Variants in NCALD observed in about 807,000 individuals in gnomAD.
NCALD encodes neurocalcin-delta.
In NCALD, 10 loss-of-function variants were observed where a neutral mutation model predicts 18.6. The observed-to-expected ratio is 0.54, with a 90% CI of 0.33 to 0.91. NCALD has a LOEUF of 0.91. Among genes scored for constraint, NCALD ranks in the 40% least tolerant of loss-of-function variants. The pLI is 0.03. For synonymous variants in NCALD, 88 were observed against 87.4 expected (o/e 1.01, Z -0.04); for missense variants, 184 against 247.6 (o/e 0.74, Z 1.72).
intron 3 of NCALD, among the ~76,000 whole-genome samples, chr8:101,897,085 T>C (rs2131546020): frequency 1.6e-5 from 1 of 64,436 alleles, no homozygotes; most frequent in East Asian, 3.9e-4. Context: ...ATTGCGGCAT[T>C]ATTCACAATA....
chr8:102,037,700 T>C (rs1822919526), intron 1 of NCALD, among the ~76,000 whole-genome samples: 1 of 152,162 alleles, frequency 6.6e-6, no homozygotes, highest in Non-Finnish European at 1.5e-5. Context: ...CAAATGCTCT[T>C]GGTACCAATT....
chr8:101,889,418 CT>C (rs1816791723), intron 3 of NCALD, among the ~76,000 whole-genome samples: 1 of 152,202 alleles, frequency 6.6e-6, no homozygotes, highest in East Asian at 1.9e-4. Flanking sequence ...AAACACAAGC[CT>C]TTCGACTCCC....
chr8:101,793,591 A>G (rs187198151), upstream of NCALD, among the ~76,000 whole-genome samples: 22 of 152,306 alleles, frequency 1.4e-4, no homozygotes, highest in Admixed American at 5.9e-4. Context: ...TCAGATTCCT[A>G]CCAATTTGGT....
chr8:101,992,091 T>C (rs1270055439), intron 2 of NCALD, among the ~76,000 whole-genome samples: 1 of 152,230 alleles, frequency 6.6e-6, no homozygotes, highest in Non-Finnish European at 1.5e-5. Flanking sequence ...GCCTGCATTA[T>C]GAAAGTCGCA....
chr8:101,755,237 C>T (rs539895619), intron 1 of NCALD, among the ~76,000 whole-genome samples: 6 of 152,322 alleles, frequency 3.9e-5, no homozygotes, highest in Non-Finnish European at 8.8e-5. Flanking sequence ...ACAAATGACT[C>T]TAACTCCTGG....
At chr8:101,855,619 T>C (rs558635005) in intron 4 of NCALD, among the ~76,000 whole-genome samples, 8 of 152,248 alleles carry the variant, frequency 5.3e-5, no homozygotes, top group African/African-American at 1.9e-4. Flanking sequence ...GAGGGGATGA[T>C]AATAAGAATT....
chr8:101,740,885 C>T (rs1810156754), intron 1 of NCALD, among the ~76,000 whole-genome samples: 2 of 152,130 alleles, frequency 1.3e-5, no homozygotes, highest in South Asian at 4.1e-4. Flanking sequence ...TAAGATTTTT[C>T]CTGCTCATTC....
chr8:101,736,885 TG>T (rs1809943241), intron 1 of NCALD, among the ~76,000 whole-genome samples: 1 of 152,198 alleles, frequency 6.6e-6, no homozygotes, highest in Admixed American at 6.5e-5. Context: ...CAGAACAAAT[TG>T]GATGCCACTG....
At chr8:102,059,213 G>C (rs917146441) in intron 1 of NCALD, among the ~76,000 whole-genome samples, 3 of 152,084 alleles carry the variant, frequency 2.0e-5, no homozygotes, top group African/African-American at 7.2e-5. Context: ...ATTCCTTTCT[G>C]CTCCTCAGAT....
chr8:101,893,869 C>G (rs1300611333), intron 3 of NCALD, among the ~76,000 whole-genome samples: 10 of 145,410 alleles, frequency 6.9e-5, no homozygotes, highest in Admixed American at 1.3e-4. Context: ...TAAAGCAAGT[C>G]CTGAGTGACC....
At chr8:102,072,347 G>A (rs113820708) in intron 1 of NCALD, among the ~76,000 whole-genome samples, 11 of 152,242 alleles carry the variant, frequency 7.2e-5, no homozygotes, top group African/African-American at 2.4e-4. Context: ...CATTTAAAAC[G>A]ACCCTTAAAA....
chr8:102,104,028 C>T (rs1013167262), intron 1 of NCALD, among the ~76,000 whole-genome samples: 4 of 152,276 alleles, frequency 2.6e-5, no homozygotes, highest in Middle Eastern at 3.4e-3. Flanking sequence ...CACACGCATA[C>T]GCATACAAAC....
At chr8:101,936,496 G>C (rs1158736375) in intron 2 of NCALD, among the ~76,000 whole-genome samples, 1 of 152,160 alleles carries the variant, frequency 6.6e-6, no homozygotes, top group Non-Finnish European at 1.5e-5. Context: ...GAGTTATTTA[G>C]AAATATAGAA....
At chr8:101,976,732 G>C (rs1282539279) in intron 2 of NCALD, among the ~76,000 whole-genome samples, 2 of 152,062 alleles carry the variant, frequency 1.3e-5, no homozygotes, top group Non-Finnish European at 2.9e-5. Context: ...CTATGTGTCA[G>C]GCACTTGGTC....
rs114431002 is a variant in NCALD at position 101,689,688 on chromosome 8, G to A, written c.485-282C>T. Among the ~76,000 whole-genome samples, 540 of 152,294 alleles carry A rather than the reference G, an allele frequency of 3.5e-3. 6 individuals carry two copies. The highest frequency in any genetic ancestry group is 0.012 in the African/African-American group (501 of 41,566). ...TGCCCGGCCCTGGGCCCGGGACTGG[G>A]GAGAGGGTGGTGGATGATGCTGACT... On this transcript the variant is annotated intron_variant, in intron 3 of 3. Transcript: ENST00000220931. The surrounding 1 kb of genome is among the most constrained non-coding windows in gnomAD (Gnocchi z 4.4).
intron 4 of NCALD, among the ~76,000 whole-genome samples, chr8:101,835,897 A>C (rs1192906583): frequency 6.6e-6 from 1 of 152,172 alleles, no homozygotes; most frequent in Non-Finnish European, 1.5e-5. Flanking sequence ...ACAGTAGTAA[A>C]GCAGAATTGT....
chr8:101,763,791 C>T (rs1431129088), intron 1 of NCALD, among the ~76,000 whole-genome samples: 1 of 152,050 alleles, frequency 6.6e-6, no homozygotes, highest in African/African-American at 2.4e-5. Flanking sequence ...TGCCTTCAGA[C>T]TTGAACTAAA....
chr8:101,690,127 C>T lies in NCALD; in HGVS notation c.485-721G>A, dbSNP rs10105212. Among the ~76,000 whole-genome samples the T allele has an allele frequency of 3.8e-3, 563 of 148,442 alleles. 1 individual carries two copies. Among genetic ancestry groups the T allele is most frequent in the Middle Eastern group, 0.01 (3 of 292 alleles). ...TGGGCTCCCACTCCGACCCCGGTGA[C>T]CTTTCCTTTCTGCTTACTCTGGAGC... On this transcript the variant is annotated intron_variant, in intron 3 of 3. Transcript: ENST00000220931.
intron 4 of NCALD, among the ~76,000 whole-genome samples, chr8:101,839,182 T>C (rs1326493455): frequency 1.3e-5 from 2 of 152,094 alleles, no homozygotes; most frequent in Admixed American, 6.5e-5. Flanking sequence ...GTTGAACCAC[T>C]GGAATTCCAC....
Sources: gnomAD v4.1 joint callset for allele counts (sites outside exome capture counted in the v4.1 genomes callset) on GRCh38, gnomAD v4.1.1 for gene constraint, Gnocchi (gnomAD v3.1) non-coding constraint, MANE v1.5 for transcripts, NCBI Gene and HGNC (gene_info 2026-07-23, HGNC 2026-07-21) for gene names.